The following ELOVL6 variants were observed in gnomAD, a reference collection of about 807,000 sequenced individuals.
ELOVL6 encodes very long chain fatty acid elongase 6.
ELOVL6 carries 8 observed loss-of-function variants against 31.7 expected under a neutral mutation model. That is an observed-to-expected ratio of 0.25 (90% CI 0.15 to 0.45). The LOEUF is 0.45. ELOVL6 is among the 20% of genes least tolerant of loss of function. The pLI is 1.00. For missense variants in ELOVL6, 126 were observed against 326.4 expected (o/e 0.39, Z 4.73); for synonymous variants, 101 against 117.7 (o/e 0.86, Z 0.92).
rs1275491360 is a variant in ELOVL6 at position 110,111,893 on chromosome 4, G to A, written c.90-6265C>T. Among the ~76,000 whole-genome samples the A allele has an allele frequency of 3.9e-5, 6 of 152,240 alleles. No individual in the cohort carries two copies. The East Asian group carries it at 1.2e-3, about 29-fold the overall frequency. ...TGAAAACTGCAGCAGAGTTCAGGCT[G>A]TATCTGCACCTCAAGTTTGCAGTAA... On this transcript the variant is annotated intron_variant, in intron 1 of 3. Coordinates refer to ENST00000302274, the MANE Select transcript of ELOVL6 (RefSeq NM_024090.3).
chr4:110,118,882 C>T (rs555790415), intron 1 of ELOVL6, among the ~76,000 whole-genome samples: 10 of 152,216 alleles, frequency 6.6e-5, no homozygotes, highest in Non-Finnish European at 1.2e-4. Flanking sequence ...GCCTGGGCAA[C>T]ATGGCCAAAC....
intron 2 of ELOVL6, among the ~76,000 whole-genome samples, chr4:110,067,950 C>G (rs1473470777): frequency 1.3e-5 from 2 of 151,892 alleles, no homozygotes; most frequent in Admixed American, 1.3e-4. Context: ...AAAATGATAC[C>G]TTAAAAGTCT....
chr4:110,059,356 T>C (rs1423079408), intron 3 of ELOVL6, among the ~76,000 whole-genome samples: 1 of 152,194 alleles, frequency 6.6e-6, no homozygotes, highest in African/African-American at 2.4e-5. Context: ...ATATTTTTAG[T>C]AGAGCTCGAA....
intron 1 of ELOVL6, among the ~76,000 whole-genome samples, chr4:110,157,099 G>A (rs559871956): frequency 1.5e-3 from 232 of 152,274 alleles, no homozygotes; most frequent in African/African-American, 5.2e-3. Flanking sequence ...CTGGGTCACT[G>A]CCCATTTGGG....
At chr4:110,094,448 A>AT (rs1277912986) in intron 2 of ELOVL6, among the ~76,000 whole-genome samples, 5 of 123,798 alleles carry the variant, frequency 4.0e-5, no homozygotes, top group African/African-American at 1.5e-4. Flanking sequence ...TATATAATAT[A>AT]TATAACATAA....
At chr4:110,122,673 C>T (rs1011523192) in intron 1 of ELOVL6, among the ~76,000 whole-genome samples, 19 of 152,318 alleles carry the variant, frequency 1.2e-4, no homozygotes, top group African/African-American at 4.3e-4. Context: ...GCACTGCACC[C>T]GGCCCCAAAA....
chr4:110,088,302 A>G (rs190609543), intron 2 of ELOVL6, among the ~76,000 whole-genome samples: 2 of 152,328 alleles, frequency 1.3e-5, no homozygotes, highest in Admixed American at 6.5e-5. Context: ...GATAACCCCA[A>G]GTGAAAACAT....
chr4:110,085,488 G>A (rs1756234149), intron 2 of ELOVL6, among the ~76,000 whole-genome samples: 6 of 152,184 alleles, frequency 3.9e-5, no homozygotes, highest in Admixed American at 3.9e-4. Context: ...GAATCACAGT[G>A]TGATACCTGT....
intron 2 of ELOVL6, among the ~76,000 whole-genome samples, chr4:110,080,053 T>C (rs1208608003): frequency 6.6e-6 from 1 of 152,148 alleles, no homozygotes; most frequent in Non-Finnish European, 1.5e-5. Flanking sequence ...GGAAGTTGAA[T>C]CTCTGAATAG....
Position 110,186,841 on chromosome 4 carries a change from A to C in ELOVL6, c.89+11406T>G, listed in dbSNP as rs561273527. 9.3e-3 allele frequency among the ~76,000 whole-genome samples: 1,309 copies of C among 140,172 alleles called. 14 individuals carry two copies. The highest frequency in any genetic ancestry group is 0.042 in the South Asian group (185 of 4,412). 92.0% of individuals were successfully genotyped at this position (140,172 alleles called of 152,430 possible). ...AAAAAAAATATATATATATATATAT[A>C]TATTTATATATATACACACACAAAT... On this transcript the variant is annotated intron_variant, in intron 1 of 3. Transcript: ENST00000302274.
At chr4:110,091,980 T>C (rs1756440237) in intron 2 of ELOVL6, among the ~76,000 whole-genome samples, 1 of 152,004 alleles carries the variant, frequency 6.6e-6, no homozygotes, top group Non-Finnish European at 1.5e-5. Flanking sequence ...GAGGATTGCT[T>C]GCACAGCCTC....
chr4:110,186,562 A>C (rs1759445521), intron 1 of ELOVL6, among the ~76,000 whole-genome samples: 2 of 151,956 alleles, frequency 1.3e-5, no homozygotes, highest in South Asian at 4.2e-4. Context: ...CTCTAATCCC[A>C]GCACTTCAGG....
intron 1 of ELOVL6, among the ~76,000 whole-genome samples, chr4:110,110,267 A>G (rs577634236): frequency 6.6e-6 from 1 of 152,276 alleles, no homozygotes; most frequent in Admixed American, 6.5e-5. Context: ...TAAGAAAATA[A>G]GATTTTCTTG....
chr4:110,133,096 A>T (rs28394764), intron 1 of ELOVL6, among the ~76,000 whole-genome samples: 10,341 of 152,188 alleles, frequency 0.068, 469 homozygotes, highest in African/African-American at 0.12. Flanking sequence ...TCACTTACAG[A>T]GAAGGTGGAA....
chr4:110,193,889 C>G (rs967358491), intron 1 of ELOVL6, among the ~76,000 whole-genome samples: 2 of 152,124 alleles, frequency 1.3e-5, no homozygotes, highest in East Asian at 3.9e-4. Context: ...AAGTTCTAGG[C>G]AAGCCCTTTG....
intron 1 of ELOVL6, among the ~76,000 whole-genome samples, chr4:110,137,050 C>A (rs1445289392): frequency 6.6e-6 from 1 of 152,138 alleles, no homozygotes; most frequent in Non-Finnish European, 1.5e-5. Flanking sequence ...AAAAATGGTA[C>A]CTTCAGAAAT....
At chr4:110,057,679 C>T (rs370441057) in intron 3 of ELOVL6, among the ~76,000 whole-genome samples, 3 of 151,550 alleles carry the variant, frequency 2.0e-5, no homozygotes, top group African/African-American at 4.9e-5. Flanking sequence ...GGTGAAACCC[C>T]GTCTCTACTA....
intron 1 of ELOVL6, among the ~76,000 whole-genome samples, chr4:110,188,768 T>C (rs987621392): frequency 2.0e-5 from 3 of 151,754 alleles, no homozygotes; most frequent in African/African-American, 7.3e-5. Context: ...GGCGTATGCC[T>C]GTAATCCCAG....
At chr4:110,068,276 T>C (rs1487040107) in intron 2 of ELOVL6, among the ~76,000 whole-genome samples, 1 of 152,224 alleles carries the variant, frequency 6.6e-6, no homozygotes, top group Non-Finnish European at 1.5e-5. Context: ...AATAGTATCA[T>C]ATGATGATAA....
Sources: gnomAD v4.1 joint callset for allele counts (sites outside exome capture counted in the v4.1 genomes callset) on GRCh38, gnomAD v4.1.1 for gene constraint, MANE v1.5 for transcripts, NCBI Gene and HGNC (gene_info 2026-07-23, HGNC 2026-07-21) for gene names.